Variants in EIF3L observed in about 807,000 individuals in gnomAD.
The protein encoded by EIF3L is eIEF associated protein HSPC021.
Under a neutral mutation model 74.6 loss-of-function variants are expected in EIF3L, and 32 were observed. The ratio of observed to expected loss-of-function variants is 0.43; its 90% confidence interval spans 0.32 to 0.58. EIF3L has a LOEUF of 0.58. EIF3L is among the 20% of genes least tolerant of loss of function. The probability of loss-of-function intolerance (pLI) is 0.06; values close to 1 mark genes in which losing one functional copy is unlikely to be tolerated. For synonymous variants in EIF3L, 256 were observed against 254.4 expected (o/e 1.01, Z -0.06); for missense variants, 474 against 707.8 (o/e 0.67, Z 3.75).
At position 37,849,844 on chromosome 22, in the gene EIF3L, A is replaced by G. The variant is rs544874946; in HGVS notation, c.34-171A>G. The G allele has an allele frequency of 5.0e-5, 35 of 700,004 alleles. No homozygotes were observed. In the East Asian group the frequency reaches 8.4e-4, roughly 17 times the overall value. 43.4% of individuals were successfully genotyped at this position (700,004 alleles called of 1,614,324 possible). On this transcript the variant is annotated intron_variant, in intron 1 of 12. Transcript: ENST00000652021. Reference sequence around the variant, plus strand: ...ATTGCACCCGTAATGTTGTATTGTCATTGTCTGTTTACTGTCCCTTTTCTC... The same window carrying G: ...ATTGCACCCGTAATGTTGTATTGTCGTTGTCTGTTTACTGTCCCTTTTCTC...
intron 4 of EIF3L, among the ~76,000 whole-genome samples, chr22:37,856,265 C>T (rs1045230934): frequency 2.3e-4 from 35 of 151,886 alleles, no homozygotes; most frequent in African/African-American, 7.0e-4. Flanking sequence ...TTAGTAGAGA[C>T]GGGGTTTCAC....
At chr22:37,856,784 C>T (rs1325137815) in intron 4 of EIF3L, among the ~76,000 whole-genome samples, 1 of 150,718 alleles carries the variant, frequency 6.6e-6, no homozygotes, top group Non-Finnish European at 1.5e-5. Context: ...GCAGAGGTTG[C>T]GGTGAGCCGA....
chr22:37,886,755 T>TC lies in EIF3L; in HGVS notation c.1576-5dup. On this transcript the variant is annotated splice_polypyrimidine_tract_variant and intron_variant, in intron 11 of 12. Transcript: ENST00000652021. Reference sequence around the variant, plus strand: ...TGGCTGCTCTTCCCTGACTGTGCTTTCCCCCACAGGACATGATCCACATCG... The same window carrying TC: ...TGGCTGCTCTTCCCTGACTGTGCTTTCCCCCCACAGGACATGATCCACATCG... 2 of 1,605,532 alleles carry TC rather than the reference T, an allele frequency of 1.2e-6. No individual in the cohort carries two copies. Among genetic ancestry groups the TC allele is most frequent in the Non-Finnish European group, 1.7e-6 (2 of 1,174,530 alleles).
Position 37,888,523 on chromosome 22 carries a change from G to T in EIF3L, c.*59G>T. The T allele has an allele frequency of 6.3e-7, 1 of 1,579,734 alleles. No homozygotes were observed. Among genetic ancestry groups the T allele is most frequent in the East Asian group, 2.2e-5 (1 of 44,638 alleles). ...TGTATTATAGGCAGGAAGTGTTTTT[G>T]CTACCGTGAAACCTTTACCTAGATC... On this transcript the variant is annotated 3_prime_UTR_variant, in exon 13 of 13. Coordinates refer to ENST00000652021, the MANE Select transcript of EIF3L (RefSeq NM_016091.4).
chr22:37,874,669 A>G (rs1308828708), intron 9 of EIF3L, 145 bp downstream of exon 9: 11 of 978,352 alleles, frequency 1.1e-5, no homozygotes, highest in Non-Finnish European at 1.2e-5. Context: ...AAACTGGGCA[A>G]ACAGCTGTGG....
chr22:37,878,747 G>A (rs1211496607), intron 11 of EIF3L: 1 of 152,644 alleles, frequency 6.6e-6, no homozygotes, highest in African/African-American at 2.4e-5. Context: ...ACCAACAATA[G>A]ATGTTATAAT....
At chr22:37,874,094 G>C (rs1002099041) in intron 8 of EIF3L, among the ~76,000 whole-genome samples, 2 of 151,988 alleles carry the variant, frequency 1.3e-5, no homozygotes, top group African/African-American at 4.8e-5. Flanking sequence ...CTTCGTGGTT[G>C]TATTTTACTG....
At position 37,877,897 on chromosome 22, in the gene EIF3L, A is replaced by G. The variant is rs769475626; in HGVS notation, c.1301A>G (p.Asn434Ser). The G allele has an allele frequency of 9.9e-6, 16 of 1,612,878 alleles. No individual in the cohort carries two copies. The highest frequency in any genetic ancestry group is 4.4e-5 in the South Asian group (4 of 91,040). ...VVPNYDNVHP[N>S]YHKEPFLQQL... ...CCCAACTATGATAATGTGCACCCCA[A>G]CTACCACAAAGAGCCCTTCCTGCAG... is the stretch of plus-strand genomic sequence containing the variant. The change falls in exon 11 of 13, where the codon AAC (asparagine) becomes AGC (serine). Residue 434 changes from asparagine (N) to serine (S), a missense_variant. Physicochemically the swap from Asn to Ser is conservative, Grantham distance 46 (BLOSUM62 1). Around this residue, in one of 4 missense-constraint regions of EIF3L, gnomAD observed 293 missense variants for 469.1 expected, o/e 0.62. Coordinates refer to ENST00000652021, the MANE Select transcript of EIF3L (RefSeq NM_016091.4).
Position 37,859,621 on chromosome 22 carries a change from T to A in EIF3L, c.435+881T>A, listed in dbSNP as rs1028412879. ...ATGGTCTCCATCTCCTGACCTCGTGTTCCGCCCGCCTTGGCCTCCCAAAGT... is the reference window on the plus strand; with the variant it reads ...ATGGTCTCCATCTCCTGACCTCGTGATCCGCCCGCCTTGGCCTCCCAAAGT... On this transcript the variant is annotated intron_variant, in intron 5 of 12. Coordinates refer to ENST00000652021, the MANE Select transcript of EIF3L (RefSeq NM_016091.4). Among the ~76,000 whole-genome samples the A allele has an allele frequency of 3.3e-5, 5 of 151,658 alleles. No homozygotes were observed. The South Asian group carries it at 8.3e-4, about 25-fold the overall frequency.
At chr22:37,888,356 G>T (rs533282400) in intron 12 of EIF3L, 70 bp from the exon 13 acceptor site, 1 of 1,541,762 alleles carries the variant, frequency 6.5e-7, no homozygotes, top group African/African-American at 1.4e-5. Context: ...CTGACCTAGT[G>T]ATCATACACA....
chr22:37,850,267 A>T (rs1200988389), intron 2 of EIF3L, among the ~76,000 whole-genome samples: 1 of 152,188 alleles, frequency 6.6e-6, no homozygotes, highest in African/African-American at 2.4e-5. Flanking sequence ...GAAGAGAAGG[A>T]TTACTTACCT....
At chr22:37,860,298 T>TA (rs200874241) in intron 5 of EIF3L, among the ~76,000 whole-genome samples, 3,432 of 152,370 alleles carry the variant, frequency 0.023, 95 homozygotes, top group Admixed American at 0.094. Flanking sequence ...TCTGACATGA[T>TA]ATCCAGCAAA....
At chr22:37,855,268 T>C (rs530785049) in intron 3 of EIF3L, among the ~76,000 whole-genome samples, 8 of 152,278 alleles carry the variant, frequency 5.3e-5, no homozygotes, top group African/African-American at 1.9e-4. Flanking sequence ...AAAGTAGTTC[T>C]TATAGCAGAA....
At chr22:37,872,689 G>A (rs1030655946) in intron 8 of EIF3L, among the ~76,000 whole-genome samples, 1 of 152,046 alleles carries the variant, frequency 6.6e-6, no homozygotes, top group Non-Finnish European at 1.5e-5. Flanking sequence ...CACAATCATG[G>A]CTCACTGCAT....
At chr22:37,886,624 G>T in intron 11 of EIF3L, 141 bp from the exon 12 acceptor site, 1 of 552,572 alleles carries the variant, frequency 1.8e-6, no homozygotes, top group Non-Finnish European at 3.2e-6. Flanking sequence ...TTAACTGGTG[G>T]TGTTTTTCCA....
At chr22:37,878,279 G>A (rs1247238745) in intron 11 of EIF3L, 108 bp downstream of exon 11, 16 of 1,408,450 alleles carry the variant, frequency 1.1e-5, no homozygotes, top group Non-Finnish European at 1.5e-5. Flanking sequence ...TCCTGGCCTT[G>A]TGGTGCTGCC....
intron 9 of EIF3L, among the ~76,000 whole-genome samples, chr22:37,875,244 G>T (rs1423387179): frequency 1.3e-5 from 2 of 151,738 alleles, no homozygotes; most frequent in Non-Finnish European, 2.9e-5. Flanking sequence ...TGGGTATGGT[G>T]GTGGGCACTT....
intron 12 of EIF3L, 69 bp downstream of exon 12, chr22:37,886,914 C>G (rs1569126426): frequency 7.7e-7 from 1 of 1,290,510 alleles, no homozygotes; most frequent in East Asian, 2.6e-5. Flanking sequence ...CGAGAGTTTA[C>G]TTTTTTTTAA....
chr22:37,888,369 G>A (rs951188846), intron 12 of EIF3L, 57 bp from the exon 13 acceptor site: 17 of 1,590,218 alleles, frequency 1.1e-5, no homozygotes, highest in African/African-American at 1.3e-5. Context: ...CATACACACT[G>A]TAGGAAAGGG....
Sources: gnomAD v4.1 joint callset for allele counts (sites outside exome capture counted in the v4.1 genomes callset) on GRCh38, gnomAD v4.1.1 for gene constraint, gnomAD v4.1.1 regional missense constraint, MANE v1.5 for transcripts, NCBI Gene and HGNC (gene_info 2026-07-23, HGNC 2026-07-21) for gene names.